Variants in NEFL observed in about 807,000 individuals in gnomAD.
The protein encoded by NEFL is neurofilament light polypeptide.
Under a neutral mutation model 51.6 loss-of-function variants are expected in NEFL, and 36 were observed. That is an observed-to-expected ratio of 0.70 (90% CI 0.53 to 0.92). The LOEUF (loss-of-function observed/expected upper bound fraction) is 0.92. Among genes scored for constraint, NEFL ranks in the 40% least tolerant of loss-of-function variants. The pLI is 0.00. For missense variants in NEFL, 671 were observed against 722.0 expected (o/e 0.93, Z 0.81); for synonymous variants, 332 against 302.5 (o/e 1.10, Z -1.01).
rs758135536 is a variant in NEFL at position 24,955,559 on chromosome 8, G to A, written c.957C>T (p.Ile319=). ...RRLLKAKTLE[I]EACRGMNEAL... is the part of the protein sequence containing the mutation. ...CTTCATTCATGCCCCGGCATGCTTC[G>A]ATTTCCAGGGTCTTGGCCTTGAGCA... The change falls in exon 1 of 4, where the codon ATC becomes ATT. Residue 319 remains isoleucine (I), a synonymous_variant. Transcript: ENST00000610854. The surrounding 1 kb of genome is among the most constrained non-coding windows in gnomAD (Gnocchi z 4.0). 95 of 1,613,454 alleles carry A rather than the reference G, an allele frequency of 5.9e-5. 3 individuals are homozygous for A. In the South Asian group the frequency reaches 1.0e-3, roughly 17 times the overall value.
In NEFL at chr8:24,953,551, A is replaced by C; in HGVS notation, c.1414T>G (p.Ser472Ala). ...TCCTCCTCCTCGGCTTCTCCTTCAG[A>C]GGGGGGCTCATCCTTGGCTTCCTCA... ...KAEEAKDEPP[S>A]EGEAEEEEKD... Residue 472 changes from serine (S) to alanine (A), a missense_variant, in exon 3 of 4, where the codon TCT becomes GCT. Transcript: ENST00000610854. 1 of 1,613,368 alleles carries C rather than the reference A, an allele frequency of 6.2e-7. No individual in the cohort carries two copies. Among genetic ancestry groups the C allele is most frequent in the Non-Finnish European group, 8.5e-7 (1 of 1,179,738 alleles).
rs1065082 is a variant in NEFL, at chr8:24,956,072, C to T, written c.444G>A (p.Leu148=). The T allele has an allele frequency of 5.0e-6, 8 of 1,604,186 alleles. No individual in the cohort carries two copies. Among genetic ancestry groups the T allele is most frequent in the Non-Finnish European group, 6.8e-6 (8 of 1,178,468 alleles). ...LYEQEIRDLR[L]AAEDATNEKQ... ...TCTCGTTGGTGGCATCTTCCGCCGC[C>T]AGGCGCAGGTCGCGGATCTCCTGCT... is the stretch of plus-strand genomic sequence containing the variant. Residue 148 remains leucine, a synonymous_variant, in exon 1 of 4, where the codon CTG becomes CTA. Transcript: ENST00000610854. This position sits in a 1 kb window ranked among gnomAD's most constrained non-coding sequence, Gnocchi z 5.9.
In NEFL at chr8:24,952,654, A is replaced by ATTTC; in HGVS notation, c.*155_*156insGAAA. 2 of 1,193,482 alleles carry ATTTC rather than the reference A, an allele frequency of 1.7e-6. No individual in the cohort carries two copies. Among genetic ancestry groups the ATTTC allele is most frequent in the Non-Finnish European group, 2.3e-6 (2 of 865,428 alleles). 73.9% of individuals were successfully genotyped at this position (1,193,482 alleles called of 1,614,324 possible). A position where few individuals can be genotyped will look rare whatever the true frequency, so the allele number is the denominator to read the frequency against. On this transcript the variant is annotated 3_prime_UTR_variant, in exon 4 of 4. Coordinates refer to ENST00000610854, the MANE Select transcript of NEFL (RefSeq NM_006158.5). ...TCTGCATAAAGAGGAAATTCATAGCACAACATTGAATGTCCAACCTAAGTC... is the reference window on the plus strand; with the variant it reads ...TCTGCATAAAGAGGAAATTCATAGCATTTCCAACATTGAATGTCCAACCTAAGTC...
At position 24,954,180 on chromosome 8, in the gene NEFL, C is replaced by T; in HGVS notation, c.1169+1G>A. 1 of 1,613,818 alleles carries T rather than the reference C, an allele frequency of 6.2e-7. No individual in the cohort carries two copies. Among genetic ancestry groups the T allele is most frequent in the Non-Finnish European group, 8.5e-7 (1 of 1,179,850 alleles). On this transcript the variant is annotated splice_donor_variant, in intron 2 of 3. Coordinates refer to ENST00000610854, the MANE Select transcript of NEFL (RefSeq NM_006158.5). LOFTEE classifies it high-confidence loss of function. ...TGCTGTCTTTGCCCCTCTATTTTCACCTGTAAGCTGCAATCTCAATATCCA... is the reference window on the plus strand; with the variant it reads ...TGCTGTCTTTGCCCCTCTATTTTCATCTGTAAGCTGCAATCTCAATATCCA...
chr8:24,952,038 A>G lies in NEFL; in HGVS notation c.*772T>C, dbSNP rs1290747890. The G allele has an allele frequency of 6.6e-6, 1 of 152,420 alleles. No homozygotes were observed. The highest frequency in any genetic ancestry group is 1.5e-5 in the Non-Finnish European group (1 of 68,046). The allele number at this position is 152,420 out of a possible 1,614,324, so 9.4% of individuals were successfully genotyped here. On this transcript the variant is annotated 3_prime_UTR_variant, in exon 4 of 4. Transcript: ENST00000610854. ...ACTCTGAAATGACCTGTTTACCATAAAGAGTGTATCTGTCAAGTAATTTCA... is the reference window on the plus strand; with the variant it reads ...ACTCTGAAATGACCTGTTTACCATAGAGAGTGTATCTGTCAAGTAATTTCA...
At chr8:24,953,038 C>A (rs1253334073) in intron 3 of NEFL, 86 bp from the exon 4 acceptor site, 12 of 1,463,354 alleles carry the variant, frequency 8.2e-6, no homozygotes, top group Non-Finnish European at 1.1e-5. Context: ...TTTGCAAACA[C>A]AACTGTCAGA....
rs79337695 is a variant in NEFL at position 24,953,145 on chromosome 8, G to A, written c.1490-193C>T. On this transcript the variant is annotated intron_variant, in intron 3 of 3. Transcript: ENST00000610854. ...TTGCCACTGAACACATATTTAAATC[G>A]AATGAGATCACTTCTAGGTATGGGA... 3.6e-3 allele frequency among the ~76,000 whole-genome samples: 543 copies of A among 152,220 alleles called. 2 individuals are homozygous for A. Among genetic ancestry groups the A allele is most frequent in the African/African-American group, 0.012 (518 of 41,546 alleles).
At position 24,955,338 on chromosome 8, in the gene NEFL, A is replaced by C; in HGVS notation, c.1044+134T>G. The C allele has an allele frequency of 1.2e-6, 1 of 847,802 alleles. No homozygotes were observed. The allele number at this position is 847,802 out of a possible 1,614,324, so 52.5% of individuals were successfully genotyped here. A position where few individuals can be genotyped will look rare whatever the true frequency, so the allele number is the denominator to read the frequency against. Reference sequence around the variant, plus strand: ...TTCAAGTGCCCCACCCCTCCCACACAGTGGCCAAGGAGCCAAGCCCTATCC... The same window carrying C: ...TTCAAGTGCCCCACCCCTCCCACACCGTGGCCAAGGAGCCAAGCCCTATCC... On this transcript the variant is annotated intron_variant, in intron 1 of 3. Transcript: ENST00000610854. The surrounding 1 kb of genome is among the most constrained non-coding windows in gnomAD (Gnocchi z 4.0).
chr8:24,951,893 T>TA lies in NEFL; in HGVS notation c.*916dup, dbSNP rs1461163796. The TA allele has an allele frequency of 6.6e-6, 1 of 152,538 alleles. No individual in the cohort carries two copies. Among genetic ancestry groups the TA allele is most frequent in the Non-Finnish European group, 1.5e-5 (1 of 68,046 alleles). 9.4% of individuals were successfully genotyped at this position (152,538 alleles called of 1,614,324 possible). A position where few individuals can be genotyped will look rare whatever the true frequency, so the allele number is the denominator to read the frequency against. On this transcript the variant is annotated 3_prime_UTR_variant, in exon 4 of 4. Transcript: ENST00000610854. ...CTCCCATGATATTTAGACTATATTT[T>TA]AAAATGCAGTTATAGGGATGAATGT...
Position 24,955,257 on chromosome 8 carries a change from C to G in NEFL, c.1044+215G>C, listed in dbSNP as rs570063841. On this transcript the variant is annotated intron_variant, in intron 1 of 3. Coordinates refer to ENST00000610854, the MANE Select transcript of NEFL (RefSeq NM_006158.5). The surrounding 1 kb of genome is among the most constrained non-coding windows in gnomAD (Gnocchi z 4.0). The stretch of plus-strand genomic sequence containing the variant: ...GCTGGGCAGCTTTAATGCGGAACGC[C>G]GGTGCAGCAGCACGGAGCACACTCC... 1 of 563,514 alleles carries G rather than the reference C, an allele frequency of 1.8e-6. No individual in the cohort carries two copies. The highest frequency in any genetic ancestry group is 3.1e-6 in the Non-Finnish European group (1 of 323,374). The allele number at this position is 563,514 out of a possible 1,614,324, so 34.9% of individuals were successfully genotyped here. A position where few individuals can be genotyped will look rare whatever the true frequency, so the allele number is the denominator to read the frequency against.
rs1563250943 is a variant in NEFL, at chr8:24,952,803, T to C, written c.*7A>G. ...ATTATTCCTGAAATAATTAAGGAAA[T>C]GGGGGTTCAATCTTTCTTCTTAGCT... On this transcript the variant is annotated 3_prime_UTR_variant, in exon 4 of 4. Coordinates refer to ENST00000610854, the MANE Select transcript of NEFL (RefSeq NM_006158.5). The C allele has an allele frequency of 6.2e-6, 10 of 1,613,816 alleles. No individual in the cohort carries two copies. The highest frequency in any genetic ancestry group is 1.3e-5 in the African/African-American group (1 of 74,914).
rs756696405 is a variant in NEFL, at chr8:24,953,553, G to A, written c.1412C>T (p.Pro471Leu). 8 of 1,613,750 alleles carry A rather than the reference G, an allele frequency of 5.0e-6. No homozygotes were observed. Among genetic ancestry groups the A allele is most frequent in the African/African-American group, 1.3e-5 (1 of 75,010 alleles). ...CTCCTCCTCGGCTTCTCCTTCAGAG[G>A]GGGGCTCATCCTTGGCTTCCTCAGC... ...AKAEEAKDEP[P>L]SEGEAEEEEK... The change falls in exon 3 of 4, where the codon CCC becomes CTC. Residue 471 changes from proline to leucine, a missense_variant. Physicochemically the swap from Pro to Leu is moderately conservative, Grantham distance 98. Transcript: ENST00000610854.
intron 1 of NEFL, among the ~76,000 whole-genome samples, chr8:24,954,755 TA>T (rs1563251527): frequency 1.3e-5 from 2 of 152,092 alleles, no homozygotes; most frequent in Non-Finnish European, 2.9e-5. Flanking sequence ...GTATCTAAAT[TA>T]TTTTTTCTAC....
chr8:24,955,769 C>A lies in NEFL; in HGVS notation c.747G>T (p.Val249=), dbSNP rs765544000. ...GCGCGGCGGAAAGGTCGGGCTTGGT[C>A]ACGTCCATCTCCACGGAGATCTGCG... The part of the protein sequence containing the change: ...QYAQISVEMD[V]TKPDLSAALK... The change falls in exon 1 of 4, where the codon GTG becomes GTT. Residue 249 remains valine (V), a synonymous_variant. Coordinates refer to ENST00000610854, the MANE Select transcript of NEFL (RefSeq NM_006158.5). This position sits in a 1 kb window ranked among gnomAD's most constrained non-coding sequence, Gnocchi z 4.0. The A allele has an allele frequency of 6.2e-7, 1 of 1,613,202 alleles. No homozygotes were observed. Among genetic ancestry groups the A allele is most frequent in the Non-Finnish European group, 8.5e-7 (1 of 1,179,864 alleles).
intron 3 of NEFL, 115 bp from the exon 4 acceptor site, chr8:24,953,067 A>T (rs1248073998): frequency 1.6e-6 from 2 of 1,248,980 alleles, no homozygotes; most frequent in African/African-American, 1.5e-5. Context: ...AAAACCTCCC[A>T]GCTCCACTCT....
At position 24,954,410 on chromosome 8, in the gene NEFL, G is replaced by A. The variant is rs559371159; in HGVS notation, c.1045-105C>T. 4.4e-5 allele frequency: 57 copies of A among 1,283,592 alleles called. No individual in the cohort carries two copies. In the African/African-American group the frequency reaches 7.9e-4, roughly 18 times the overall value. The allele number at this position is 1,283,592 out of a possible 1,614,324, so 79.5% of individuals were successfully genotyped here. A position where few individuals can be genotyped will look rare whatever the true frequency, so the allele number is the denominator to read the frequency against. On this transcript the variant is annotated intron_variant, in intron 1 of 3. Transcript: ENST00000610854. ...AGGCCTAGTTTCGATTAAAATCAAG[G>A]TGCACACCTTTGATAAAATCTCTCC...
rs554951551 is a variant in NEFL at position 24,952,042 on chromosome 8, G to A, written c.*768C>T. On this transcript the variant is annotated 3_prime_UTR_variant, in exon 4 of 4. Coordinates refer to ENST00000610854, the MANE Select transcript of NEFL (RefSeq NM_006158.5). Reference sequence around the variant, plus strand: ...TGAAATGACCTGTTTACCATAAAGAGTGTATCTGTCAAGTAATTTCAGAAT... The same window carrying A: ...TGAAATGACCTGTTTACCATAAAGAATGTATCTGTCAAGTAATTTCAGAAT... 6.6e-6 allele frequency: 1 copy of A among 152,558 alleles called. No homozygotes were observed. Among genetic ancestry groups the A allele is most frequent in the East Asian group, 1.9e-4 (1 of 5,180 alleles). 9.5% of individuals were successfully genotyped at this position (152,558 alleles called of 1,614,324 possible).
intron 1 of NEFL, among the ~76,000 whole-genome samples, chr8:24,954,846 T>C (rs1803021222): frequency 6.6e-6 from 1 of 152,118 alleles, no homozygotes. Flanking sequence ...AATTGTATTT[T>C]TTCTACTCCC....
chr8:24,956,045 C>T lies in NEFL; in HGVS notation c.471G>A (p.Lys157=), dbSNP rs746216374. ...CTTCGCGCTCGCCCTGGAGCGCCTGCTTCTCGTTGGTGGCATCTTCCGCCG... is the reference window on the plus strand; with the variant it reads ...CTTCGCGCTCGCCCTGGAGCGCCTGTTTCTCGTTGGTGGCATCTTCCGCCG... ...RLAAEDATNE[K]QALQGEREGL... Residue 157 remains lysine (K), a synonymous_variant, in exon 1 of 4, where the codon AAG becomes AAA. Transcript: ENST00000610854. This position sits in a 1 kb window ranked among gnomAD's most constrained non-coding sequence, Gnocchi z 5.9. The T allele has an allele frequency of 5.0e-6, 8 of 1,604,240 alleles. No individual in the cohort carries two copies. The African/African-American group carries it at 1.1e-4, about 21-fold the overall frequency.
Sources: gnomAD v4.1 joint callset for allele counts (sites outside exome capture counted in the v4.1 genomes callset) on GRCh38, gnomAD v4.1.1 for gene constraint, Gnocchi (gnomAD v3.1) non-coding constraint, MANE v1.5 for transcripts, NCBI Gene and HGNC (gene_info 2026-07-23, HGNC 2026-07-21) for gene names.